ZFAND3: variants seen among roughly 807,000 people sequenced by gnomAD.
ZFAND3 encodes the protein AN1-type zinc finger protein 3.
A neutral mutation model predicts 29.6 loss-of-function variants in ZFAND3; 10 were observed. That is an observed-to-expected ratio of 0.34 (90% CI 0.21 to 0.57). ZFAND3 has a LOEUF of 0.57. Ranked by LOEUF, ZFAND3 falls within the 20% of genes least tolerant of loss-of-function variation. The probability of loss-of-function intolerance (pLI) is 0.86; values close to 1 mark genes in which losing one functional copy is unlikely to be tolerated. For missense variants in ZFAND3, 230 were observed against 304.5 expected (o/e 0.76, Z 1.82); for synonymous variants, 128 against 112.6 (o/e 1.14, Z -0.87).
intron 2 of ZFAND3, among the ~76,000 whole-genome samples, chr6:38,018,750 T>C (rs1158108770): frequency 1.3e-5 from 2 of 152,196 alleles, no homozygotes; most frequent in Non-Finnish European, 2.9e-5. Context: ...CCAGTTATTA[T>C]TTGTGTATGT....
chr6:37,905,155 C>T (rs1440915280), intron 1 of ZFAND3, among the ~76,000 whole-genome samples: 2 of 152,088 alleles, frequency 1.3e-5, no homozygotes, highest in Non-Finnish European at 1.5e-5. Context: ...TACTCTTGTA[C>T]TCCAAAGTCA....
At chr6:37,855,987 A>T (rs1413368407) in intron 1 of ZFAND3, among the ~76,000 whole-genome samples, 1 of 151,254 alleles carries the variant, frequency 6.6e-6, no homozygotes, top group African/African-American at 2.4e-5. Context: ...ATTTCCTGAC[A>T]TAAAACCTTG....
At chr6:37,948,428 G>A (rs949182812) in intron 2 of ZFAND3, among the ~76,000 whole-genome samples, 4 of 152,080 alleles carry the variant, frequency 2.6e-5, no homozygotes, top group African/African-American at 9.7e-5. Flanking sequence ...TTTGGTTAAT[G>A]TTCACCTGGC....
chr6:37,892,855 G>A (rs1236073974), intron 1 of ZFAND3, among the ~76,000 whole-genome samples: 1 of 152,130 alleles, frequency 6.6e-6, no homozygotes. Context: ...ATAACTTAGA[G>A]GAAATGCATC....
At chr6:38,086,008 T>C (rs540150373) in intron 4 of ZFAND3, among the ~76,000 whole-genome samples, 2 of 152,326 alleles carry the variant, frequency 1.3e-5, no homozygotes, top group South Asian at 2.1e-4. Context: ...TGAAGGGTAT[T>C]GTCATATTTT....
intron 2 of ZFAND3, among the ~76,000 whole-genome samples, chr6:38,041,897 C>A (rs1763796309): frequency 6.8e-6 from 1 of 145,988 alleles, no homozygotes; most frequent in Non-Finnish European, 1.5e-5. Flanking sequence ...GGTACAGTGA[C>A]ACAATCTCGC....
chr6:37,886,463 G>A (rs1365152982), intron 1 of ZFAND3, among the ~76,000 whole-genome samples: 1 of 152,124 alleles, frequency 6.6e-6, no homozygotes, highest in East Asian at 1.9e-4. Context: ...CACAAGCCTT[G>A]TTGGTTTGAA....
chr6:38,106,762 C>G (rs1394098128), intron 4 of ZFAND3, among the ~76,000 whole-genome samples: 1 of 152,118 alleles, frequency 6.6e-6, no homozygotes, highest in Non-Finnish European at 1.5e-5. Context: ...CAGCTCACTA[C>G]TGTACTTAGT....
chr6:37,885,992 C>CT (rs1282932049), intron 1 of ZFAND3, among the ~76,000 whole-genome samples: 1 of 151,964 alleles, frequency 6.6e-6, no homozygotes, highest in Non-Finnish European at 1.5e-5. Flanking sequence ...AATCCCAGCA[C>CT]TTTGGGAAGC....
At chr6:38,011,380 A>G (rs1431389020) in intron 2 of ZFAND3, among the ~76,000 whole-genome samples, 2 of 152,202 alleles carry the variant, frequency 1.3e-5, no homozygotes, top group African/African-American at 4.8e-5. Context: ...GAAACTGCCA[A>G]ACTGTTTTCC....
At chr6:38,003,490 A>G (rs528527028) in intron 2 of ZFAND3, among the ~76,000 whole-genome samples, 9 of 146,112 alleles carry the variant, frequency 6.2e-5, no homozygotes, top group African/African-American at 1.7e-4. Context: ...AGTATTAAAA[A>G]CCATCCATAA....
At chr6:38,077,116 CCTT>C (rs937138453) in intron 3 of ZFAND3, among the ~76,000 whole-genome samples, 8 of 145,552 alleles carry the variant, frequency 5.5e-5, no homozygotes, top group Non-Finnish European at 1.1e-4. Flanking sequence ...TTTATTTTGT[CCTT>C]TTTTTTTTTT....
At chr6:37,906,959 T>C (rs1363115051) in intron 1 of ZFAND3, among the ~76,000 whole-genome samples, 9 of 152,170 alleles carry the variant, frequency 5.9e-5, no homozygotes, top group Non-Finnish European at 1.3e-4. Context: ...AAATATATAC[T>C]TGGTAATATA....
chr6:37,820,562 G>C (rs913609692), intron 1 of ZFAND3, among the ~76,000 whole-genome samples: 2 of 152,212 alleles, frequency 1.3e-5, no homozygotes, highest in African/African-American at 4.8e-5. Context: ...TAAAAACCGA[G>C]TCCAGAACCA....
intron 2 of ZFAND3, among the ~76,000 whole-genome samples, chr6:38,035,363 T>C (rs1763638371): frequency 6.6e-6 from 1 of 152,224 alleles, no homozygotes; most frequent in Admixed American, 6.5e-5. Context: ...TCCCTCCTTA[T>C]GCTGCTCTAA....
At chr6:38,021,008 G>A (rs878876755) in intron 2 of ZFAND3, among the ~76,000 whole-genome samples, 1 of 152,188 alleles carries the variant, frequency 6.6e-6, no homozygotes, top group Admixed American at 6.5e-5. Flanking sequence ...ATACTTATAT[G>A]AACAGAAAAT....
intron 1 of ZFAND3, among the ~76,000 whole-genome samples, chr6:37,901,250 C>T (rs1204808651): frequency 6.6e-6 from 1 of 152,044 alleles, no homozygotes; most frequent in Non-Finnish European, 1.5e-5. Context: ...AGGAAAAGGG[C>T]ATCCTGAGAA....
rs561463321 is a variant in ZFAND3 at position 37,994,555 on chromosome 6, A to G, written c.112+64556A>G. Among the ~76,000 whole-genome samples, 8 of 152,290 alleles carry G rather than the reference A, an allele frequency of 5.3e-5. No individual in the cohort carries two copies. The East Asian group carries it at 1.4e-3, about 26-fold the overall frequency. The stretch of plus-strand genomic sequence containing the variant: ...ACATTTTTCATTGTTTTGACGTTGT[A>G]TGCTTGGCAGGGTATAGGGTAGCTC... On this transcript the variant is annotated intron_variant, in intron 2 of 5. Transcript: ENST00000287218.
intron 2 of ZFAND3, among the ~76,000 whole-genome samples, chr6:38,043,926 A>T (rs1293677881): frequency 6.6e-6 from 1 of 152,128 alleles, no homozygotes; most frequent in Non-Finnish European, 1.5e-5. Context: ...TACAGGTGTG[A>T]GCCCCTGCGC....
Sources: gnomAD v4.1 joint callset for allele counts (sites outside exome capture counted in the v4.1 genomes callset) on GRCh38, gnomAD v4.1.1 for gene constraint, MANE v1.5 for transcripts, NCBI Gene and HGNC (gene_info 2026-07-23, HGNC 2026-07-21) for gene names.